CAMK4: variants seen among roughly 807,000 people sequenced by gnomAD.
CAMK4 encodes the protein calcium/calmodulin dependent protein kinase IV, also known as calcium/calmodulin-dependent protein kinase type IV.
In CAMK4, 22 loss-of-function variants were observed where a neutral mutation model predicts 44.9. The ratio of observed to expected loss-of-function variants is 0.49; its 90% CI spans 0.35 to 0.70. The LOEUF (loss-of-function observed/expected upper bound fraction) is 0.70, where lower values mean the gene tolerates loss of function less well. Among genes scored for constraint, CAMK4 ranks in the 30% least tolerant of loss-of-function variants. CAMK4 has a pLI of 0.01. For synonymous variants in CAMK4, 218 were observed against 215.4 expected, an observed-to-expected ratio of 1.01 and a Z score of -0.11; for missense variants, 498 against 586.8, an observed-to-expected ratio of 0.85 and a Z score of 1.56.
At chr5:111,478,606 C>T (rs1755326424) in intron 9 of CAMK4, 99 bp downstream of exon 9, 2 of 498,224 alleles carry the variant, frequency 4.0e-6, no homozygotes, top group South Asian at 3.9e-5. Context: ...CATATTAATG[C>T]CATATTTTCT....
At chr5:111,372,105 A>C (rs1580665892) in intron 2 of CAMK4, among the ~76,000 whole-genome samples, 2 of 152,190 alleles carry the variant, frequency 1.3e-5, no homozygotes, top group African/African-American at 4.8e-5. Context: ...AAATAAACTG[A>C]TGGCAAGAGT....
intron 1 of CAMK4, among the ~76,000 whole-genome samples, chr5:111,264,747 A>G (rs1750156036): frequency 6.6e-6 from 1 of 152,104 alleles, no homozygotes; most frequent in Non-Finnish European, 1.5e-5. Flanking sequence ...CAAGGATGGA[A>G]CCAGGATCTC....
At chr5:111,352,446 A>T (rs529024909) in intron 2 of CAMK4, among the ~76,000 whole-genome samples, 42 of 152,104 alleles carry the variant, frequency 2.8e-4, no homozygotes, top group African/African-American at 9.4e-4. Flanking sequence ...AATAACCTTA[A>T]ATTAATAAGA....
chr5:111,360,378 T>C (rs931655943), intron 2 of CAMK4, among the ~76,000 whole-genome samples: 1 of 152,024 alleles, frequency 6.6e-6, no homozygotes, highest in African/African-American at 2.4e-5. Context: ...AGTAGAGACC[T>C]GGATAGGTCA....
chr5:111,362,532 T>C (rs1203776007), intron 2 of CAMK4, among the ~76,000 whole-genome samples: 1 of 152,030 alleles, frequency 6.6e-6, no homozygotes, highest in East Asian at 1.9e-4. Context: ...AAAATGCTAA[T>C]GATTAGTTGT....
rs374750767 is a variant in CAMK4 at position 111,292,512 on chromosome 5, G to T, written c.162-51512G>T. ...CAGTAAAAGCCCACCTTATTTTAAT[G>T]GTGAAAGCAAGACTATAACCTCAGA... On this transcript the variant is annotated intron_variant, in intron 1 of 10. Transcript: ENST00000282356. Among the ~76,000 whole-genome samples the T allele has an allele frequency of 1.9e-3, 293 of 152,048 alleles. 2 individuals carry two copies. Among genetic ancestry groups the T allele is most frequent in the African/African-American group, 6.5e-3 (270 of 41,464 alleles).
At chr5:111,414,791 TA>T (rs1328178181) in intron 5 of CAMK4, among the ~76,000 whole-genome samples, 1 of 152,050 alleles carries the variant, frequency 6.6e-6, no homozygotes, top group Non-Finnish European at 1.5e-5. Context: ...AATTATTTAA[TA>T]ACTAGGAATA....
At chr5:111,263,100 T>A (rs573117195) in intron 1 of CAMK4, among the ~76,000 whole-genome samples, 18 of 152,318 alleles carry the variant, frequency 1.2e-4, no homozygotes, top group Admixed American at 2.0e-4. Context: ...CGAAAAGAGA[T>A]CATAGTTCAT....
rs749250902 is a variant in CAMK4 at position 111,374,855 on chromosome 5, C to A, written c.246C>A (p.Asp82Glu). ...YALKVLKKTVDKKIVRTEIGV... is the reference protein window; with the variant it reads ...YALKVLKKTVEKKIVRTEIGV... ...TCTTTTATTTTGCCTTTTAGGTGGACAAAAAAATCGTAAGAACTGAGATAG... is the reference window on the plus strand; with the variant it reads ...TCTTTTATTTTGCCTTTTAGGTGGAAAAAAAAATCGTAAGAACTGAGATAG... The change falls in exon 3 of 11, where the codon GAC becomes GAA. Residue 82 changes from aspartate to glutamate, a missense_variant. Asp to Glu is a conservative substitution (Grantham distance 45, BLOSUM62 2). This residue lies in a region of CAMK4 where 152 missense variants were observed against 143.7 expected (regional missense o/e 1.06). Coordinates refer to ENST00000282356, the MANE Select transcript of CAMK4 (RefSeq NM_001744.6). The A allele has an allele frequency of 1.2e-5, 19 of 1,608,824 alleles. No individual in the cohort carries two copies. Among genetic ancestry groups the A allele is most frequent in the Non-Finnish European group, 1.4e-5 (17 of 1,175,884 alleles).
intron 5 of CAMK4, among the ~76,000 whole-genome samples, chr5:111,401,078 CTT>C (rs1027248135): frequency 6.6e-6 from 1 of 152,146 alleles, no homozygotes; most frequent in Non-Finnish European, 1.5e-5. Flanking sequence ...CAAAGTGTGA[CTT>C]TGGAGCCTAG....
intron 2 of CAMK4, 112 bp downstream of exon 2, chr5:111,344,214 A>G (rs909911660): frequency 8.1e-6 from 5 of 614,984 alleles, no homozygotes; most frequent in Non-Finnish European, 8.5e-6. Flanking sequence ...CAAATAACCC[A>G]TTTGACTCTT....
chr5:111,311,671 A>G (rs1377938844), intron 1 of CAMK4, among the ~76,000 whole-genome samples: 1 of 152,148 alleles, frequency 6.6e-6, no homozygotes, highest in Admixed American at 6.5e-5. Context: ...TCTTCTTGGG[A>G]ATTTTTGCAA....
chr5:111,347,304 T>C (rs971555773), intron 2 of CAMK4, among the ~76,000 whole-genome samples: 36 of 152,094 alleles, frequency 2.4e-4, no homozygotes, highest in African/African-American at 8.4e-4. Context: ...GTGGTTGGCA[T>C]TTTTCATCTG....
intron 5 of CAMK4, among the ~76,000 whole-genome samples, chr5:111,419,505 T>C (rs1446646458): frequency 1.3e-5 from 2 of 152,240 alleles, no homozygotes; most frequent in African/African-American, 4.8e-5. Flanking sequence ...GTTTTAGACA[T>C]GAAGTCCTTG....
intron 2 of CAMK4, among the ~76,000 whole-genome samples, chr5:111,362,305 A>G (rs928523696): frequency 4.6e-5 from 7 of 152,178 alleles, no homozygotes; most frequent in African/African-American, 1.7e-4. Flanking sequence ...TATAGAATAT[A>G]TTAGTAATAA....
At chr5:111,258,744 T>C (rs1332382484) in intron 1 of CAMK4, among the ~76,000 whole-genome samples, 1 of 90,974 alleles carries the variant, frequency 1.1e-5, no homozygotes, top group African/African-American at 5.9e-5. Context: ...TATCAGCGTG[T>C]GTGTGTGTGT....
chr5:111,251,938 C>T (rs969158563), intron 1 of CAMK4, among the ~76,000 whole-genome samples: 13 of 151,918 alleles, frequency 8.6e-5, no homozygotes, highest in Admixed American at 2.6e-4. Flanking sequence ...TACTAATGAA[C>T]TCAGATAGAT....
chr5:111,423,452 G>A (rs542900752), intron 5 of CAMK4, among the ~76,000 whole-genome samples: 1 of 152,288 alleles, frequency 6.6e-6, no homozygotes, highest in African/African-American at 2.4e-5. Context: ...ACATTTCTAT[G>A]AATAACATGT....
At chr5:111,366,260 G>C (rs1200900523) in intron 2 of CAMK4, among the ~76,000 whole-genome samples, 1 of 152,132 alleles carries the variant, frequency 6.6e-6, no homozygotes, top group Non-Finnish European at 1.5e-5. Context: ...AAGATTTATA[G>C]TCTTAATCTC....
Sources: gnomAD v4.1 joint callset for allele counts (sites outside exome capture counted in the v4.1 genomes callset) on GRCh38, gnomAD v4.1.1 for gene constraint, gnomAD v4.1.1 regional missense constraint, MANE v1.5 for transcripts, NCBI Gene and HGNC (gene_info 2026-07-23, HGNC 2026-07-21) for gene names.